GPATCH2L: variants seen among roughly 807,000 people sequenced by gnomAD.
GPATCH2L encodes the protein G-patch domain containing 2 like.
A neutral mutation model predicts 57.4 loss-of-function variants in GPATCH2L; 31 were observed. The ratio of observed to expected loss-of-function variants is 0.54; its 90% CI spans 0.41 to 0.73. The LOEUF (loss-of-function observed/expected upper bound fraction) is 0.73, where lower values mean the gene tolerates loss of function less well. Ranked by LOEUF, GPATCH2L falls within the 30% of genes least tolerant of loss-of-function variation. The pLI is 0.00. For missense variants in GPATCH2L, 481 were observed against 599.9 expected, an observed-to-expected ratio of 0.80 and a Z score of 2.07; for synonymous variants, 199 against 210.7, an observed-to-expected ratio of 0.94 and a Z score of 0.48.
chr14:76,195,173 T>C (rs2040108241), intron 8 of GPATCH2L, among the ~76,000 whole-genome samples: 1 of 152,144 alleles, frequency 6.6e-6, no homozygotes, highest in Non-Finnish European at 1.5e-5. Flanking sequence ...GATTTTTATT[T>C]TACTTCTTAA....
chr14:76,153,097 C>T (rs2038130936), intron 1 of GPATCH2L: 1 of 261,512 alleles, frequency 3.8e-6, no homozygotes, highest in Admixed American at 5.2e-5. Flanking sequence ...CACTATTGCT[C>T]CTACAGGTGT....
At chr14:76,229,331 C>T (rs550612406) in intron 1 of GPATCH2L, among the ~76,000 whole-genome samples, 1 of 152,198 alleles carries the variant, frequency 6.6e-6, no homozygotes, top group Non-Finnish European at 1.5e-5. Context: ...TCAGAATTGA[C>T]AGGGACTAAA....
At chr14:76,186,457 A>G (rs1054346010) in intron 8 of GPATCH2L, among the ~76,000 whole-genome samples, 3 of 152,196 alleles carry the variant, frequency 2.0e-5, no homozygotes, top group African/African-American at 7.2e-5. Flanking sequence ...CTTTGGAGCC[A>G]TAATAAACAG....
At chr14:76,174,165 C>T (rs537086110) in intron 5 of GPATCH2L, 13 of 153,244 alleles carry the variant, frequency 8.5e-5, no homozygotes, top group Non-Finnish European at 1.3e-4. Context: ...TTTAATCCTT[C>T]CAGCAACCTA....
chr14:76,193,971 A>G (rs1167010514), intron 8 of GPATCH2L, among the ~76,000 whole-genome samples: 1 of 152,116 alleles, frequency 6.6e-6, no homozygotes, highest in Non-Finnish European at 1.5e-5. Flanking sequence ...TGTGGAAAAG[A>G]TGGATGCTCT....
rs2040464950 is a variant in GPATCH2L, at chr14:76,213,541, A to G, written c.*11690A>G. 1.3e-5 allele frequency: 2 copies of G among 152,160 alleles called. No individual in the cohort carries two copies. Among genetic ancestry groups the G allele is most frequent in the Non-Finnish European group, 2.9e-5 (2 of 68,024 alleles). The allele number at this position is 152,160 out of a possible 1,614,324, so 9.4% of individuals were successfully genotyped here. ...AATTTATTGTAAAGACGTGTATTTT[A>G]TAGAATCCAAGCAAAAGCTCACCAG... On this transcript the variant is annotated 3_prime_UTR_variant, in exon 10 of 10. Transcript: ENST00000261530.
rs1380210962 is a variant in GPATCH2L at position 76,210,711 on chromosome 14, A to G, written c.*8860A>G. On this transcript the variant is annotated 3_prime_UTR_variant, in exon 10 of 10. Transcript: ENST00000261530. ...CTGTACCAAGGCACAACTGATTCCTAAGTGAGGGGGATATGTGTTCTGAGA... is the reference window on the plus strand; with the variant it reads ...CTGTACCAAGGCACAACTGATTCCTGAGTGAGGGGGATATGTGTTCTGAGA... 6.6e-6 allele frequency: 1 copy of G among 152,204 alleles called. No individual in the cohort carries two copies. Among genetic ancestry groups the G allele is most frequent in the African/African-American group, 2.4e-5 (1 of 41,468 alleles). The allele number at this position is 152,204 out of a possible 1,614,324, so 9.4% of individuals were successfully genotyped here. A position where few individuals can be genotyped will look rare whatever the true frequency, so the allele number is the denominator to read the frequency against.
chr14:76,185,866 T>A (rs575668237), intron 8 of GPATCH2L, among the ~76,000 whole-genome samples: 8 of 152,274 alleles, frequency 5.3e-5, no homozygotes, highest in African/African-American at 1.9e-4. Flanking sequence ...TTCTTCATAG[T>A]CCATTGGCAT....
At chr14:76,158,428 A>G (rs1179651011) in intron 2 of GPATCH2L, among the ~76,000 whole-genome samples, 1 of 152,132 alleles carries the variant, frequency 6.6e-6, no homozygotes, top group Non-Finnish European at 1.5e-5. Context: ...TCTGTCCATC[A>G]CCTCTCACTT....
chr14:76,232,011 A>ACTGCAGCCTC, intron 2 of GPATCH2L, among the ~76,000 whole-genome samples: 137 of 150,458 alleles, frequency 9.1e-4, no homozygotes, highest in Middle Eastern at 3.5e-3. Flanking sequence ...CTGCAGGCTC[A>ACTGCAGCCTC]AGCAATCTTC....
rs2038210827 is a variant in GPATCH2L at position 76,154,623 on chromosome 14, A to C, written c.260A>C (p.Asp87Ala). 6.2e-7 allele frequency: 1 copy of C among 1,614,178 alleles called. No homozygotes were observed. Among genetic ancestry groups the C allele is most frequent in the Non-Finnish European group, 8.5e-7 (1 of 1,180,026 alleles). Residue 87 changes from aspartate to alanine, a missense_variant, in exon 2 of 10, where the codon GAC becomes GCC. This residue lies in a region of GPATCH2L where 208 missense variants were observed against 272.4 expected (regional missense o/e 0.76). Coordinates refer to ENST00000261530, the MANE Select transcript of GPATCH2L (RefSeq NM_017926.4). The surrounding 1 kb of genome is among the most constrained non-coding windows in gnomAD (Gnocchi z 4.4). Reference protein sequence around the residue: ...REVAPVTNFSDSDDTMVAKRH... With the variant: ...REVAPVTNFSASDDTMVAKRH... ...GTGGCTCCGGTGACCAATTTTAGTG[A>C]CTCTGATGACACAATGGTAGCCAAA...
rs191398326 is a variant in GPATCH2L at position 76,178,661 on chromosome 14, C to A, written c.1107+619C>A. 2.2e-4 allele frequency: 34 copies of A among 156,898 alleles called. 1 individual carries two copies. The highest frequency in any genetic ancestry group is 7.4e-4 in the African/African-American group (31 of 41,614). The allele number at this position is 156,898 out of a possible 1,614,324, so 9.7% of individuals were successfully genotyped here. A position where few individuals can be genotyped will look rare whatever the true frequency, so the allele number is the denominator to read the frequency against. On this transcript the variant is annotated intron_variant, in intron 7 of 9. Transcript: ENST00000261530. ...AGGTGTGCACAACCTAGGTCCCTCT[C>A]ATGCTCGGTTCACAGTAGGGTTTGC...
Position 76,171,871 on chromosome 14 carries a change from T to C in GPATCH2L, c.756T>C (p.Tyr252=). ...QGDDEQSDWF[Y]EGECVPGFTV... ...ATGACGAACAGAGTGATTGGTTCTATGAAGGAGAATGTGTCCCAGGATTCA... is the reference window on the plus strand; with the variant it reads ...ATGACGAACAGAGTGATTGGTTCTACGAAGGAGAATGTGTCCCAGGATTCA... The change falls in exon 4 of 10, where the codon TAT becomes TAC. Residue 252 remains tyrosine (Y), a synonymous_variant. Coordinates refer to ENST00000261530, the MANE Select transcript of GPATCH2L (RefSeq NM_017926.4). The C allele has an allele frequency of 6.2e-7, 1 of 1,603,322 alleles. No individual in the cohort carries two copies. Among genetic ancestry groups the C allele is most frequent in the Non-Finnish European group, 8.5e-7 (1 of 1,174,428 alleles).
intron 9 of GPATCH2L, chr14:76,196,176 AT>A (rs753508190): frequency 3.2e-5 from 22 of 685,534 alleles, no homozygotes; most frequent in South Asian, 2.9e-4. Context: ...TTACATGGCT[AT>A]CTAGAGTTTG....
chr14:76,219,880 TTTGA>T (rs1471184596), intron 1 of GPATCH2L, among the ~76,000 whole-genome samples: 1 of 152,216 alleles, frequency 6.6e-6, no homozygotes, highest in Non-Finnish European at 1.5e-5. Flanking sequence ...TTATGTTTTG[TTTGA>T]TTGGCCTTGC....
chr14:76,155,016 T>C lies in GPATCH2L; in HGVS notation c.653T>C (p.Met218Thr), dbSNP rs1420497670. The C allele has an allele frequency of 6.2e-7, 1 of 1,608,280 alleles. No individual in the cohort carries two copies. Among genetic ancestry groups the C allele is most frequent in the Middle Eastern group, 1.7e-4 (1 of 6,046 alleles). ...DEQKQGSDEN[M>T]SECETSSVCS... is the part of the protein sequence containing the mutation. ...CAAAAACAGGGCTCTGATGAGAACA[T>C]GTCAGAATGGTGAGATCTCCCTTAC... Residue 218 changes from methionine (M) to threonine (T), a missense_variant, in exon 2 of 10, where the codon ATG (methionine) becomes ACG (threonine). Physicochemically the swap from Met to Thr is moderately conservative, Grantham distance 81 (BLOSUM62 -1). Transcript: ENST00000261530.
At chr14:76,164,366 A>C (rs961747638) in intron 2 of GPATCH2L, among the ~76,000 whole-genome samples, 1 of 152,136 alleles carries the variant, frequency 6.6e-6, no homozygotes, top group Non-Finnish European at 1.5e-5. Context: ...CCACTCACTA[A>C]ATATCAGTAG....
At chr14:76,219,943 C>A (rs1459773383) in intron 1 of GPATCH2L, among the ~76,000 whole-genome samples, 1 of 149,880 alleles carries the variant, frequency 6.7e-6, no homozygotes, top group Non-Finnish European at 1.5e-5. Flanking sequence ...TGATTAGCTG[C>A]CCTGCTGTCC....
At chr14:76,220,787 C>T (rs2040510761) in intron 1 of GPATCH2L, among the ~76,000 whole-genome samples, 2 of 151,980 alleles carry the variant, frequency 1.3e-5, no homozygotes, top group Admixed American at 1.3e-4. Context: ...TTTAAAAACC[C>T]CAGCAGAGCC....
Sources: gnomAD v4.1 joint callset for allele counts (sites outside exome capture counted in the v4.1 genomes callset) on GRCh38, gnomAD v4.1.1 for gene constraint, gnomAD v4.1.1 regional missense constraint, Gnocchi (gnomAD v3.1) non-coding constraint, MANE v1.5 for transcripts, NCBI Gene and HGNC (gene_info 2026-07-23, HGNC 2026-07-21) for gene names.